The following MTUS2 variants were observed in gnomAD, a reference collection of about 807,000 sequenced individuals.
MTUS2 encodes microtubule associated scaffold protein 2.
In MTUS2, 40 loss-of-function variants were observed where a neutral mutation model predicts 114.1. The observed-to-expected ratio is 0.35, with a 90% CI of 0.27 to 0.46. MTUS2 has a LOEUF of 0.46. Ranked by LOEUF, MTUS2 falls within the 20% of genes least tolerant of loss-of-function variation. The probability of loss-of-function intolerance (pLI) is 1.00; values close to 1 mark genes in which losing one functional copy is unlikely to be tolerated. For synonymous variants in MTUS2, 688 were observed against 672.0 expected (o/e 1.02, Z -0.37); for missense variants, 1,679 against 1,705.4 (o/e 0.98, Z 0.27).
chr13:29,102,399 T>C (rs80042654), intron 5 of MTUS2, among the ~76,000 whole-genome samples: 314 of 152,318 alleles, frequency 2.1e-3, no homozygotes, highest in African/African-American at 7.2e-3. Flanking sequence ...AGATGAGCCA[T>C]GTCCACATGA....
intron 2 of MTUS2, among the ~76,000 whole-genome samples, chr13:28,894,066 TG>T (rs1464424787): frequency 6.6e-6 from 1 of 151,830 alleles, no homozygotes; most frequent in African/African-American, 2.4e-5. Context: ...TATCCCACGC[TG>T]TTTAACTTCC....
At chr13:29,263,678 G>A (rs931881745) in intron 5 of MTUS2, among the ~76,000 whole-genome samples, 33 of 152,160 alleles carry the variant, frequency 2.2e-4, no homozygotes, top group African/African-American at 7.5e-4. Flanking sequence ...AGAGAGAATC[G>A]AGGGGTAGGG....
At chr13:29,150,177 C>T (rs1398302953) in intron 5 of MTUS2, among the ~76,000 whole-genome samples, 1 of 152,038 alleles carries the variant, frequency 6.6e-6, no homozygotes, top group Non-Finnish European at 1.5e-5. Flanking sequence ...TTGTTTGCAC[C>T]CTCTCTGATT....
intron 2 of MTUS2, among the ~76,000 whole-genome samples, chr13:29,000,438 C>T (rs557846113): frequency 2.0e-5 from 3 of 152,210 alleles, no homozygotes; most frequent in Admixed American, 2.0e-4. Context: ...TCTCAGCTCT[C>T]TGCAACCTCC....
intron 8 of MTUS2, 65 bp downstream of exon 8, chr13:29,359,538 G>T: frequency 6.6e-7 from 1 of 1,514,242 alleles, no homozygotes; most frequent in East Asian, 2.4e-5. Context: ...TGATGGTGAC[G>T]GTTGTTTGTG....
intron 5 of MTUS2, among the ~76,000 whole-genome samples, chr13:29,183,860 A>G (rs1187594088): frequency 1.3e-5 from 2 of 152,214 alleles, no homozygotes; most frequent in Non-Finnish European, 2.9e-5. Flanking sequence ...TCATAATTTT[A>G]CTACAGAAAG....
intron 2 of MTUS2, among the ~76,000 whole-genome samples, chr13:28,931,223 A>G (rs141622371): frequency 3.9e-5 from 6 of 152,370 alleles, no homozygotes; most frequent in East Asian, 1.9e-4. Flanking sequence ...TCAACCACCA[A>G]TTGAAAATAT....
intron 2 of MTUS2, among the ~76,000 whole-genome samples, chr13:28,916,938 T>A (rs1880778031): frequency 6.6e-6 from 1 of 151,898 alleles, no homozygotes; most frequent in Admixed American, 6.6e-5. Context: ...TGAGGTATGC[T>A]CTTTTTATCC....
At chr13:28,832,694 TATAAA>T (rs1874779594) in intron 1 of MTUS2, among the ~76,000 whole-genome samples, 1 of 147,848 alleles carries the variant, frequency 6.8e-6, no homozygotes, top group South Asian at 2.1e-4. Context: ...TTTATATAAA[TATAAA>T]TAAAAATAAG....
intron 6 of MTUS2, among the ~76,000 whole-genome samples, chr13:29,303,990 C>A (rs1899323028): frequency 6.6e-6 from 1 of 152,152 alleles, no homozygotes; most frequent in Admixed American, 6.5e-5. Flanking sequence ...AGTCAACATT[C>A]TTAAAGAAAA....
chr13:29,143,672 A>G (rs1892318290), intron 5 of MTUS2, among the ~76,000 whole-genome samples: 1 of 152,196 alleles, frequency 6.6e-6, no homozygotes, highest in Non-Finnish European at 1.5e-5. Flanking sequence ...GGTGCCTAGT[A>G]TATGAAATAT....
intron 2 of MTUS2, among the ~76,000 whole-genome samples, chr13:29,014,301 C>T (rs1885975207): frequency 6.6e-6 from 1 of 152,210 alleles, no homozygotes; most frequent in African/African-American, 2.4e-5. Flanking sequence ...GAGGGCTGAA[C>T]TAATAATATC....
At chr13:29,374,469 G>A (rs891182704) in intron 8 of MTUS2, among the ~76,000 whole-genome samples, 20 of 152,130 alleles carry the variant, frequency 1.3e-4, no homozygotes, top group East Asian at 1.9e-4. Flanking sequence ...ATTACCTATC[G>A]GGGAACAACA....
chr13:29,392,398 A>C (rs1257730341), intron 8 of MTUS2, among the ~76,000 whole-genome samples: 1 of 152,148 alleles, frequency 6.6e-6, no homozygotes, highest in Non-Finnish European at 1.5e-5. Flanking sequence ...CAGCACGTGC[A>C]CTTTCAGCCT....
chr13:28,873,364 A>G (rs1353480427), intron 2 of MTUS2, among the ~76,000 whole-genome samples: 2 of 152,346 alleles, frequency 1.3e-5, no homozygotes, highest in East Asian at 1.9e-4. Context: ...CACAAATGCC[A>G]CTTCCCTGAA....
At chr13:28,906,577 C>T (rs1359906591) in intron 2 of MTUS2, among the ~76,000 whole-genome samples, 5 of 151,618 alleles carry the variant, frequency 3.3e-5, no homozygotes, top group Middle Eastern at 3.2e-3. Flanking sequence ...GAGTGGGTTT[C>T]TTAATCCTGA....
At chr13:28,941,373 G>T (rs922866831) in intron 2 of MTUS2, among the ~76,000 whole-genome samples, 1 of 151,720 alleles carries the variant, frequency 6.6e-6, no homozygotes, top group Admixed American at 6.6e-5. Context: ...ATTTAAGTTA[G>T]GAATTTAAAA....
chr13:29,150,337 C>A (rs187826101), intron 5 of MTUS2, among the ~76,000 whole-genome samples: 1 of 151,974 alleles, frequency 6.6e-6, no homozygotes, highest in Admixed American at 6.6e-5. Context: ...TTTATTGGCT[C>A]CTCGTATGTC....
At position 29,496,227 on chromosome 13, in the gene MTUS2, C is replaced by T. The variant is rs547152246; in HGVS notation, c.3580-1011C>T. On this transcript the variant is annotated intron_variant, in intron 12 of 15. Coordinates refer to ENST00000612955, the MANE Select transcript of MTUS2 (RefSeq NM_001033602.4). The surrounding 1 kb of genome is among the most constrained non-coding windows in gnomAD (Gnocchi z 4.3). ...ATAGACATGCCTGTATTCCTTCAGCCTGCAGGTGGAGAGCAGCCAGCTGCC... is the reference window on the plus strand; with the variant it reads ...ATAGACATGCCTGTATTCCTTCAGCTTGCAGGTGGAGAGCAGCCAGCTGCC... 6.6e-6 allele frequency: 1 copy of T among 152,592 alleles called. No homozygotes were observed. The highest frequency in any genetic ancestry group is 2.4e-5 in the African/African-American group (1 of 41,568). The allele number at this position is 152,592 out of a possible 1,614,324, so 9.5% of individuals were successfully genotyped here.
Sources: allele counts gnomAD v4.1 joint callset (sites outside exome capture counted in the v4.1 genomes callset), GRCh38; gene constraint gnomAD v4.1.1; non-coding constraint Gnocchi (gnomAD v3.1); transcripts MANE v1.5; gene names NCBI Gene and HGNC (gene_info 2026-07-23, HGNC 2026-07-21).